Variants in ROBO1 observed in about 807,000 individuals in gnomAD.
The protein encoded by ROBO1 is roundabout guidance receptor 1, also known as roundabout homolog 1.
Under a neutral mutation model 195.9 loss-of-function variants are expected in ROBO1, and 149 were observed. The observed-to-expected ratio is 0.76, with a 90% CI of 0.67 to 0.87. ROBO1 has a LOEUF of 0.87. Among genes scored for constraint, ROBO1 ranks in the 40% least tolerant of loss-of-function variants. ROBO1 has a pLI of 0.00. For synonymous variants in ROBO1, 816 were observed against 733.2 expected (o/e 1.11, Z -1.82); for missense variants, 1,933 against 2,068.3 (o/e 0.93, Z 1.27).
chr3:78,609,723 T>A (rs1015605359), intron 28 of ROBO1, among the ~76,000 whole-genome samples: 2 of 152,196 alleles, frequency 1.3e-5, no homozygotes, highest in Non-Finnish European at 2.9e-5. Flanking sequence ...CCATTGACCA[T>A]CATTTTCATG....
At chr3:79,286,819 T>C (rs953485186) in intron 2 of ROBO1, among the ~76,000 whole-genome samples, 2 of 152,188 alleles carry the variant, frequency 1.3e-5, no homozygotes, top group East Asian at 1.9e-4. Flanking sequence ...TTGATTTTCA[T>C]TTTATAAATT....
At chr3:79,315,342 A>T (rs943748479) in intron 2 of ROBO1, among the ~76,000 whole-genome samples, 10 of 152,210 alleles carry the variant, frequency 6.6e-5, no homozygotes, top group Admixed American at 1.3e-4. Flanking sequence ...TGTATTGAGG[A>T]TATATTGAGC....
chr3:79,614,403 A>G (rs1204027715), intron 1 of ROBO1, among the ~76,000 whole-genome samples: 1 of 152,266 alleles, frequency 6.6e-6, no homozygotes. Flanking sequence ...GAAAAATAAA[A>G]TATGTTGAAC....
At chr3:79,043,824 T>C (rs74839843) in intron 3 of ROBO1, among the ~76,000 whole-genome samples, 1,950 of 152,264 alleles carry the variant, frequency 0.013, 45 homozygotes, top group African/African-American at 0.045. Flanking sequence ...GGTAATATTT[T>C]CAGGGCAAGA....
intron 3 of ROBO1, among the ~76,000 whole-genome samples, chr3:78,974,176 G>A (rs2076835608): frequency 6.6e-6 from 1 of 151,880 alleles, no homozygotes; most frequent in African/African-American, 2.4e-5. Flanking sequence ...TGCATCATGG[G>A]CCAATATAAC....
chr3:79,503,448 C>A lies in ROBO1; in HGVS notation c.88+86376G>T, dbSNP rs1197099542. 4.6e-5 allele frequency among the ~76,000 whole-genome samples: 7 copies of A among 152,298 alleles called. No individual in the cohort carries two copies. The South Asian group carries it at 1.4e-3, about 32-fold the overall frequency. On this transcript the variant is annotated intron_variant, in intron 2 of 30. Coordinates refer to ENST00000464233, the MANE Select transcript of ROBO1 (RefSeq NM_002941.4). ...TCTTGAAGTCAGTGAGACCAAGAAC[C>A]TACCAATTCCGGACACACAAGCACA...
At chr3:79,102,358 G>A (rs2079693573) in intron 3 of ROBO1, among the ~76,000 whole-genome samples, 1 of 151,786 alleles carries the variant, frequency 6.6e-6, no homozygotes, top group East Asian at 1.9e-4. Context: ...ATTATGTAAT[G>A]TAACAAGAGG....
At chr3:78,826,416 T>A (rs1384742045) in intron 4 of ROBO1, among the ~76,000 whole-genome samples, 1 of 152,176 alleles carries the variant, frequency 6.6e-6, no homozygotes, top group South Asian at 2.1e-4. Context: ...GGGACTAAAA[T>A]TAATAGTTTT....
intron 16 of ROBO1, chr3:78,660,738 T>G (rs1252967785): frequency 4.2e-6 from 1 of 240,056 alleles, no homozygotes; most frequent in Non-Finnish European, 7.9e-6. Flanking sequence ...AACAATTTCA[T>G]TTTTAAATGT....
At chr3:79,151,420 A>G (rs1467289737) in intron 2 of ROBO1, among the ~76,000 whole-genome samples, 1 of 151,732 alleles carries the variant, frequency 6.6e-6, no homozygotes, top group Non-Finnish European at 1.5e-5. Context: ...GGCTCAGCCA[A>G]CAAAATATAC....
chr3:78,992,983 G>A (rs556686561), intron 3 of ROBO1, among the ~76,000 whole-genome samples: 32 of 152,234 alleles, frequency 2.1e-4, no homozygotes, highest in Non-Finnish European at 4.1e-4. Context: ...GTTGGCCATG[G>A]AGTGGCAGAA....
intron 21 of ROBO1, among the ~76,000 whole-genome samples, chr3:78,642,799 T>C (rs1470721328): frequency 6.6e-6 from 1 of 152,154 alleles, no homozygotes; most frequent in Non-Finnish European, 1.5e-5. Context: ...CTTCATTCTC[T>C]CTTTTCCAGG....
intron 1 of ROBO1, among the ~76,000 whole-genome samples, chr3:79,629,993 T>TA (rs1333625470): frequency 7.2e-5 from 11 of 151,770 alleles, no homozygotes; most frequent in Non-Finnish European, 1.5e-5. Context: ...GAATCAGTAA[T>TA]AAAAAACCTC....
intron 1 of ROBO1, among the ~76,000 whole-genome samples, chr3:79,607,735 G>T (rs1285005511): frequency 2.0e-5 from 3 of 151,758 alleles, no homozygotes; most frequent in Non-Finnish European, 4.4e-5. Context: ...TGAAAAACTG[G>T]CAAATATTTT....
intron 4 of ROBO1, among the ~76,000 whole-genome samples, chr3:78,914,722 A>G (rs1207927663): frequency 3.4e-5 from 5 of 146,626 alleles, no homozygotes; most frequent in African/African-American, 9.8e-5. Context: ...TTTATTTATA[A>G]TTTTATATAT....
At chr3:78,934,628 A>T (rs2039701485) in intron 4 of ROBO1, among the ~76,000 whole-genome samples, 1 of 151,940 alleles carries the variant, frequency 6.6e-6, no homozygotes, top group Non-Finnish European at 1.5e-5. Flanking sequence ...TCTGTGAAGG[A>T]GTTAGTTCTA....
At chr3:79,549,716 C>G (rs372636832) in intron 2 of ROBO1, among the ~76,000 whole-genome samples, 89 of 152,162 alleles carry the variant, frequency 5.8e-4, no homozygotes, top group African/African-American at 2.1e-3. Context: ...TCTTGGTATC[C>G]AAAGGACATC....
In ROBO1 at chr3:79,138,465, A is replaced by T. The variant is rs568617125; in HGVS notation, c.89-12926T>A. On this transcript the variant is annotated intron_variant, in intron 2 of 30. Coordinates refer to ENST00000464233, the MANE Select transcript of ROBO1 (RefSeq NM_002941.4). ...TCCTTATGTTGTCATATACTTATCT[A>T]TCTAAAATATTATAGTCACCATAAA... Among the ~76,000 whole-genome samples the T allele has an allele frequency of 9.9e-5, 15 of 152,182 alleles. No homozygotes were observed. The East Asian group carries it at 2.9e-3, about 29-fold the overall frequency.
intron 3 of ROBO1, among the ~76,000 whole-genome samples, chr3:79,024,690 G>A (rs1331140771): frequency 6.6e-6 from 1 of 152,116 alleles, no homozygotes; most frequent in Non-Finnish European, 1.5e-5. Flanking sequence ...GAGAAATCTT[G>A]TCTCTTTAAT....
Sources: allele counts gnomAD v4.1 joint callset (sites outside exome capture counted in the v4.1 genomes callset), GRCh38; gene constraint gnomAD v4.1.1; transcripts MANE v1.5; gene names NCBI Gene and HGNC (gene_info 2026-07-23, HGNC 2026-07-21).